ADAM12: variants seen among roughly 807,000 people sequenced by gnomAD.
ADAM12 encodes ADAM metallopeptidase domain 12, also known as disintegrin and metalloproteinase domain-containing protein 12.
Under a neutral mutation model 106.4 loss-of-function variants are expected in ADAM12, and 70 were observed. That is an observed-to-expected ratio of 0.66 (90% CI 0.54 to 0.80). ADAM12 has a LOEUF of 0.80. Among genes scored for constraint, ADAM12 ranks in the 30% least tolerant of loss-of-function variants. The probability of loss-of-function intolerance (pLI) is 0.00; values close to 1 mark genes in which losing one functional copy is unlikely to be tolerated. For missense variants in ADAM12, 1,010 were observed against 1,171.9 expected (o/e 0.86, Z 2.02); for synonymous variants, 420 against 433.5 (o/e 0.97, Z 0.39).
intron 1 of ADAM12, among the ~76,000 whole-genome samples, chr10:126,339,192 C>T (rs978379796): frequency 6.6e-6 from 1 of 152,178 alleles, no homozygotes; most frequent in East Asian, 1.9e-4. Context: ...GCTGATGTTG[C>T]CCAAATCAAT....
intron 1 of ADAM12, among the ~76,000 whole-genome samples, chr10:126,351,743 G>A (rs2133887670): frequency 6.6e-6 from 1 of 152,234 alleles, no homozygotes; most frequent in Admixed American, 6.5e-5. Context: ...TCCTCATCAA[G>A]ACAATGCCTT....
intron 3 of ADAM12, among the ~76,000 whole-genome samples, chr10:126,249,365 G>C (rs925149398): frequency 1.3e-5 from 2 of 152,168 alleles, no homozygotes; most frequent in Non-Finnish European, 2.9e-5. Flanking sequence ...ATGTCTGTGA[G>C]GGGAAGCAGA....
intron 14 of ADAM12, among the ~76,000 whole-genome samples, chr10:126,055,628 C>T (rs1182722559): frequency 6.6e-6 from 1 of 152,146 alleles, no homozygotes; most frequent in Non-Finnish European, 1.5e-5. Context: ...AAAGCCAAAA[C>T]CCATGATCCA....
intron 5 of ADAM12, among the ~76,000 whole-genome samples, chr10:126,121,851 C>T (rs1258589688): frequency 6.6e-6 from 1 of 152,002 alleles, no homozygotes; most frequent in Non-Finnish European, 1.5e-5. Context: ...AAGGAAGAGG[C>T]TTGAGTTAGT....
chr10:126,040,978 A>G (rs1029376869), intron 18 of ADAM12, among the ~76,000 whole-genome samples: 3 of 152,080 alleles, frequency 2.0e-5, no homozygotes, highest in Non-Finnish European at 4.4e-5. Flanking sequence ...AGCCCAGGCC[A>G]GTCCACACTC....
At chr10:126,332,708 G>A (rs558058650) in intron 1 of ADAM12, among the ~76,000 whole-genome samples, 2 of 152,228 alleles carry the variant, frequency 1.3e-5, no homozygotes, top group South Asian at 2.1e-4. Flanking sequence ...TAGAGGGAGC[G>A]CAAGACTTTC....
chr10:126,086,881 A>C lies in ADAM12; in HGVS notation c.1145+7104T>G, dbSNP rs558761520. Among the ~76,000 whole-genome samples the C allele has an allele frequency of 2.0e-3, 291 of 148,290 alleles. 1 individual carries two copies. The highest frequency in any genetic ancestry group is 6.7e-3 in the African/African-American group (269 of 40,034). ...AAACCCTGTCTCTACTAAAATACAAAAATTAGCTGGGTTTGGTAGTGTGCA... is the reference window on the plus strand; with the variant it reads ...AAACCCTGTCTCTACTAAAATACAACAATTAGCTGGGTTTGGTAGTGTGCA... On this transcript the variant is annotated intron_variant, in intron 11 of 22. Coordinates refer to ENST00000448723, the MANE Select transcript of ADAM12 (RefSeq NM_001288973.2).
chr10:126,184,826 A>C (rs1440562894), intron 3 of ADAM12, among the ~76,000 whole-genome samples: 1 of 152,180 alleles, frequency 6.6e-6, no homozygotes, highest in Admixed American at 6.5e-5. Flanking sequence ...TCCCTCTGCA[A>C]GTGTACAACA....
At chr10:126,119,630 C>T (rs1956048885) in intron 5 of ADAM12, among the ~76,000 whole-genome samples, 1 of 152,130 alleles carries the variant, frequency 6.6e-6, no homozygotes, top group African/African-American at 2.4e-5. Context: ...CCTTTTGAGC[C>T]AGTCTTTAGG....
At chr10:126,301,858 G>A (rs4962337) in intron 2 of ADAM12, among the ~76,000 whole-genome samples, 8,687 of 152,206 alleles carry the variant, frequency 0.057, 338 homozygotes, top group Middle Eastern at 0.11. Flanking sequence ...ACTTCCAGGC[G>A]TAGTTAATAC....
At chr10:126,227,024 G>A (rs1244374177) in intron 3 of ADAM12, among the ~76,000 whole-genome samples, 1 of 152,070 alleles carries the variant, frequency 6.6e-6, no homozygotes, top group Non-Finnish European at 1.5e-5. Context: ...ATGAAGATAA[G>A]TGTTTCCTGC....
intron 2 of ADAM12, 108 bp from the exon 3 acceptor site, chr10:126,279,096 A>G (rs1021833700): frequency 1.0e-5 from 8 of 788,508 alleles, no homozygotes; most frequent in Admixed American, 2.4e-5. Flanking sequence ...CGATGCGGTC[A>G]ACCTAAGAAA....
rs116293129 is a variant in ADAM12 at position 126,324,879 on chromosome 10, A to G, written c.186+5533T>C. Among the ~76,000 whole-genome samples, 658 of 152,090 alleles carry G rather than the reference A, an allele frequency of 4.3e-3. 4 individuals carry two copies. The highest frequency in any genetic ancestry group is 0.015 in the African/African-American group (631 of 41,482). Reference sequence around the variant, plus strand: ...AGAGGTGTGGATTTTAAGTCAATGCATGCTAGATGACAAAAGCCGAAGTTA... The same window carrying G: ...AGAGGTGTGGATTTTAAGTCAATGCGTGCTAGATGACAAAAGCCGAAGTTA... On this transcript the variant is annotated intron_variant, in intron 2 of 22. Transcript: ENST00000448723.
chr10:126,336,543 T>C (rs374239897), intron 1 of ADAM12, among the ~76,000 whole-genome samples: 1 of 152,270 alleles, frequency 6.6e-6, no homozygotes, highest in African/African-American at 2.4e-5. Flanking sequence ...AAATAATTGA[T>C]TCTCAAGCAG....
chr10:126,140,355 T>G (rs755180356), intron 4 of ADAM12, among the ~76,000 whole-genome samples: 5 of 152,234 alleles, frequency 3.3e-5, no homozygotes, highest in Admixed American at 1.3e-4. Flanking sequence ...TAAATGTACT[T>G]TCAAATTAAA....
At chr10:126,134,314 A>G (rs558922888) in intron 5 of ADAM12, among the ~76,000 whole-genome samples, 1 of 152,366 alleles carries the variant, frequency 6.6e-6, no homozygotes, top group African/African-American at 2.4e-5. Flanking sequence ...GGAGAGACAG[A>G]CAGGGTTGGG....
intron 1 of ADAM12, among the ~76,000 whole-genome samples, chr10:126,374,679 A>G (rs1856216843): frequency 6.6e-6 from 1 of 152,222 alleles, no homozygotes; most frequent in Admixed American, 6.5e-5. Flanking sequence ...AAAGAGTGAT[A>G]AAGAGATGAA....
intron 14 of ADAM12, among the ~76,000 whole-genome samples, chr10:126,051,545 CCAT>C (rs1954493298): frequency 1.8e-5 from 1 of 56,928 alleles, no homozygotes; most frequent in South Asian, 1.0e-3. Context: ...ACCCATCCAT[CCAT>C]CCATCCATCC....
chr10:126,161,524 A>C (rs1184949828), intron 3 of ADAM12, among the ~76,000 whole-genome samples: 2 of 152,196 alleles, frequency 1.3e-5, no homozygotes, highest in Non-Finnish European at 2.9e-5. Flanking sequence ...AATACATTAC[A>C]TGTTGAGCAG....
Sources: allele counts gnomAD v4.1 joint callset (sites outside exome capture counted in the v4.1 genomes callset), GRCh38; gene constraint gnomAD v4.1.1; transcripts MANE v1.5; gene names NCBI Gene and HGNC (gene_info 2026-07-23, HGNC 2026-07-21).